Variants in DENND2C observed in about 807,000 individuals in gnomAD.
DENND2C encodes DENN domain-containing protein 2C.
Under a neutral mutation model 112.4 loss-of-function variants are expected in DENND2C, and 72 were observed. The observed-to-expected ratio is 0.64, with a 90% CI of 0.53 to 0.78. DENND2C has a LOEUF of 0.78. DENND2C is among the 30% of genes least tolerant of loss of function. DENND2C has a pLI of 0.00. For synonymous variants in DENND2C, 329 were observed against 381.6 expected, an observed-to-expected ratio of 0.86 and a Z score of 1.61; for missense variants, 992 against 1,113.8, an observed-to-expected ratio of 0.89 and a Z score of 1.56.
intron 1 of DENND2C, among the ~76,000 whole-genome samples, chr1:114,661,914 C>G (rs1265759092): frequency 6.6e-6 from 1 of 152,150 alleles, no homozygotes; most frequent in Non-Finnish European, 1.5e-5. Context: ...AACGACTCAC[C>G]ATTTTTAACA....
intron 3 of DENND2C, among the ~76,000 whole-genome samples, chr1:114,639,776 C>T (rs941416126): frequency 1.8e-4 from 27 of 148,576 alleles, no homozygotes; most frequent in Non-Finnish European, 3.1e-4. Flanking sequence ...ATGGCTTGAT[C>T]TCGGCTCACT....
chr1:114,660,067 G>C (rs899999059), intron 1 of DENND2C, among the ~76,000 whole-genome samples: 4 of 152,166 alleles, frequency 2.6e-5, no homozygotes, highest in African/African-American at 9.7e-5. Flanking sequence ...TGGGATTAAA[G>C]GCATGAGCCA....
At chr1:114,636,888 C>G (rs1242002529) in intron 3 of DENND2C, among the ~76,000 whole-genome samples, 1 of 151,580 alleles carries the variant, frequency 6.6e-6, no homozygotes, top group Non-Finnish European at 1.5e-5. Context: ...AACTGTGCCT[C>G]TATATACTAA....
At chr1:114,658,650 A>T (rs963655179) in intron 1 of DENND2C, among the ~76,000 whole-genome samples, 3 of 152,232 alleles carry the variant, frequency 2.0e-5, no homozygotes, top group South Asian at 2.1e-4. Flanking sequence ...ATATTTTTTA[A>T]AACTGCAGCA....
At chr1:114,587,679 A>G (rs1023237043) in intron 19 of DENND2C, 37 bp downstream of exon 19, 1 of 1,550,876 alleles carries the variant, frequency 6.4e-7, no homozygotes, top group Non-Finnish European at 8.8e-7. Flanking sequence ...CAAGGTATTC[A>G]CTAAATAGAG....
At chr1:114,664,907 A>G (rs1657603998) in intron 1 of DENND2C, among the ~76,000 whole-genome samples, 2 of 145,132 alleles carry the variant, frequency 1.4e-5, no homozygotes, top group Non-Finnish European at 3.0e-5. Context: ...AGCCTGATCA[A>G]TATGGTGAAA....
intron 1 of DENND2C, among the ~76,000 whole-genome samples, chr1:114,658,003 A>T (rs1657380373): frequency 6.6e-6 from 1 of 152,240 alleles, no homozygotes. Context: ...CTGAAGGTAA[A>T]TGATAAAAGA....
chr1:114,620,841 T>G (rs1398827751), intron 7 of DENND2C, among the ~76,000 whole-genome samples: 3 of 152,150 alleles, frequency 2.0e-5, no homozygotes, highest in African/African-American at 7.2e-5. Context: ...AACTGTGGAA[T>G]AGAATATTTC....
intron 2 of DENND2C, among the ~76,000 whole-genome samples, chr1:114,652,663 T>G (rs1657202949): frequency 2.8e-4 from 1 of 3,568 alleles, no homozygotes; most frequent in Admixed American, 1.9e-3. Flanking sequence ...TACATTTACT[T>G]TTTTTTTTTT....
chr1:114,606,599 A>T (rs116472975), intron 10 of DENND2C, among the ~76,000 whole-genome samples: 219 of 152,372 alleles, frequency 1.4e-3, no homozygotes, highest in African/African-American at 5.1e-3. Context: ...GCATAATGCA[A>T]AATGAAAATG....
chr1:114,626,165 G>T lies in DENND2C; in HGVS notation c.-181C>A. The T allele has an allele frequency of 1.8e-6, 1 of 569,520 alleles. No individual in the cohort carries two copies. The allele number at this position is 569,520 out of a possible 1,614,324, so 35.3% of individuals were successfully genotyped here. On this transcript the variant is annotated 5_prime_UTR_variant, in exon 4 of 21. Transcript: ENST00000393274. Reference sequence around the variant, plus strand: ...TGATCAGTGATCCTTGTTGAAAATGGCTACAACCTGATCTTGAATAATCCT... The same window carrying T: ...TGATCAGTGATCCTTGTTGAAAATGTCTACAACCTGATCTTGAATAATCCT...
intron 4 of DENND2C, 76 bp downstream of exon 4, chr1:114,625,103 T>C (rs1191999521): frequency 7.0e-7 from 1 of 1,422,760 alleles, no homozygotes; most frequent in African/African-American, 1.4e-5. Flanking sequence ...GGAAACTGGT[T>C]TGAAAAGGAA....
At chr1:114,650,673 CAAAAAAAA>C (rs58693255) in intron 2 of DENND2C, among the ~76,000 whole-genome samples, 1 of 61,614 alleles carries the variant, frequency 1.6e-5, no homozygotes. Context: ...GACTCCGTCT[CAAAAAAAA>C]AAAAAAAAAA....
At chr1:114,596,630 TG>T (rs1210899431) in intron 16 of DENND2C, among the ~76,000 whole-genome samples, 1 of 152,086 alleles carries the variant, frequency 6.6e-6, no homozygotes, top group Admixed American at 6.5e-5. Flanking sequence ...GAAAGAGGAA[TG>T]GGTAAGAGTA....
intron 1 of DENND2C, among the ~76,000 whole-genome samples, chr1:114,655,127 G>A (rs1657272785): frequency 1.3e-5 from 2 of 152,030 alleles, no homozygotes; most frequent in South Asian, 2.1e-4. Context: ...TATTAGATTA[G>A]GCAAAAAATC....
intron 3 of DENND2C, among the ~76,000 whole-genome samples, chr1:114,640,057 A>G (rs1489041846): frequency 6.6e-6 from 1 of 152,244 alleles, no homozygotes; most frequent in Non-Finnish European, 1.5e-5. Flanking sequence ...TGGGAGAAAG[A>G]GGACACAGCA....
intron 2 of DENND2C, among the ~76,000 whole-genome samples, chr1:114,647,916 T>C (rs995693558): frequency 2.6e-5 from 4 of 151,906 alleles, no homozygotes; most frequent in African/African-American, 7.3e-5. Flanking sequence ...CCAGCAATTC[T>C]CCTGCCTCAG....
chr1:114,598,586 TGTG>T (rs1432994240), intron 16 of DENND2C, among the ~76,000 whole-genome samples: 1 of 152,220 alleles, frequency 6.6e-6, no homozygotes, highest in East Asian at 1.9e-4. Context: ...CTGATCCCAT[TGTG>T]GTAATATTTC....
intron 1 of DENND2C, among the ~76,000 whole-genome samples, chr1:114,669,376 C>T (rs1325073662): frequency 6.6e-6 from 1 of 152,090 alleles, no homozygotes; most frequent in Non-Finnish European, 1.5e-5. Context: ...GGGTTCTGGC[C>T]CTAGACTTGA....
Sources: gnomAD v4.1 joint callset for allele counts (sites outside exome capture counted in the v4.1 genomes callset) on GRCh38, gnomAD v4.1.1 for gene constraint, MANE v1.5 for transcripts, NCBI Gene and HGNC (gene_info 2026-07-23, HGNC 2026-07-21) for gene names.